B9D1: variants seen among roughly 807,000 people sequenced by gnomAD.
B9D1 encodes B9 domain containing 1, also known as B9 domain-containing protein 1.
A neutral mutation model predicts 26.1 loss-of-function variants in B9D1; 20 were observed. The ratio of observed to expected loss-of-function variants is 0.77; its 90% CI spans 0.54 to 1.12. The LOEUF (loss-of-function observed/expected upper bound fraction) is 1.12. Ranked by LOEUF, B9D1 falls within the 50% of genes most tolerant of loss-of-function variation. The probability of loss-of-function intolerance (pLI) is 0.00; values close to 1 mark genes in which losing one functional copy is unlikely to be tolerated. For synonymous variants in B9D1, 105 were observed against 103.1 expected, an observed-to-expected ratio of 1.02 and a Z score of -0.11; for missense variants, 260 against 273.7, an observed-to-expected ratio of 0.95 and a Z score of 0.35.
At position 19,370,056 on chromosome 17, in the gene B9D1, AC is replaced by A; in HGVS notation, c.-298+7802del. Among the ~76,000 whole-genome samples the A allele has an allele frequency of 6.6e-6, 1 of 152,308 alleles. No homozygotes were observed. The highest frequency in any genetic ancestry group is 2.1e-4 in the South Asian group (1 of 4,828). On this transcript the variant is annotated intron_variant, in intron 1 of 5. Transcript: ENST00000477478. This position sits in a 1 kb window ranked among gnomAD's most constrained non-coding sequence, Gnocchi z 5.1. Reference sequence around the variant, plus strand: ...GGGTGAAATGATGATCTCACAGGAAACCAGACAAGCTAGAGTTGTCACCACA... The same window carrying A: ...GGGTGAAATGATGATCTCACAGGAAACAGACAAGCTAGAGTTGTCACCACA...
At chr17:19,337,668 T>C (rs1313656632), downstream of B9D1, 4 of 1,515,482 alleles carry the variant, frequency 2.6e-6, no homozygotes, top group East Asian at 7.4e-5. Context: ...CGGAAGTTTC[T>C]CACAGAAGTC....
At chr17:19,365,702 C>T (rs1168848584), upstream of B9D1, among the ~76,000 whole-genome samples, 3 of 152,188 alleles carry the variant, frequency 2.0e-5, no homozygotes, top group African/African-American at 7.2e-5. This position sits in a 1 kb window ranked among gnomAD's most constrained non-coding sequence, Gnocchi z 5.0. Flanking sequence ...AGCTCAAAAT[C>T]AGACTGCCTG....
chr17:19,366,879 C>G (rs576848075), upstream of B9D1, among the ~76,000 whole-genome samples: 2 of 152,132 alleles, frequency 1.3e-5, no homozygotes, highest in African/African-American at 4.8e-5. Context: ...TGTATGCCTG[C>G]GGTTCTAGGT....
At chr17:19,373,614 G>T (rs1911990792) in intron 1 of B9D1, among the ~76,000 whole-genome samples, 3 of 152,082 alleles carry the variant, frequency 2.0e-5, no homozygotes, top group Admixed American at 2.0e-4. Flanking sequence ...AGTCAGGCTG[G>T]TCTCAAACCC....
chr17:19,377,835 G>C (rs911670217), intron 1 of B9D1: 1 of 985,280 alleles, frequency 1.0e-6, no homozygotes, highest in Non-Finnish European at 1.2e-6. Flanking sequence ...TCGCGGGACA[G>C]ACAAACGAGC....
At chr17:19,343,692 C>T (rs779232134) in intron 6 of B9D1, 98 bp downstream of exon 6, 5 of 1,612,014 alleles carry the variant, frequency 3.1e-6, no homozygotes, top group Non-Finnish European at 4.2e-6. Context: ...TCCTATGTGC[C>T]TGGCAGGTCC....
At chr17:19,365,234 G>A (rs1206123641), upstream of B9D1, among the ~76,000 whole-genome samples, 1 of 152,258 alleles carries the variant, frequency 6.6e-6, no homozygotes, top group Non-Finnish European at 1.5e-5. The surrounding 1 kb of genome is among the most constrained non-coding windows in gnomAD (Gnocchi z 5.0). Flanking sequence ...GAGGACAAGA[G>A]CAGCTCCCCC....
chr17:19,362,752 A>T, upstream of B9D1: 56 of 1,195,616 alleles, frequency 4.7e-5, no homozygotes, highest in Middle Eastern at 2.2e-4. Flanking sequence ...CGCCGTTATA[A>T]GGGGGCGGGG....
At position 19,357,919 on chromosome 17, in the gene B9D1, G is replaced by T; in HGVS notation, c.165C>A (p.Ser55=). The T allele has an allele frequency of 6.2e-7, 1 of 1,614,092 alleles. No homozygotes were observed. The highest frequency in any genetic ancestry group is 8.5e-7 in the Non-Finnish European group (1 of 1,179,972). ...GLEEGISQIT[S]KSQDVRQALV... is the part of the protein sequence containing the mutation. The stretch of plus-strand genomic sequence containing the variant: ...GTGCTTGCCGCACATCTTGGCTCTT[G>T]GATGTGATCTGTGAGATCCCCTCCT... Residue 55 remains serine (S), a synonymous_variant, in exon 3 of 7, where the codon TCC becomes TCA. Transcript: ENST00000261499.
At position 19,347,058 on chromosome 17, in the gene B9D1, A is replaced by G; in HGVS notation, c.404+211T>C. 2 of 1,550,164 alleles carry G rather than the reference A, an allele frequency of 1.3e-6. No homozygotes were observed. ...GACACAAAGATTTTTCACAGGGCAC[A>G]GGGTAAAATCGCCCGGCCTTCTGCT... On this transcript the variant is annotated intron_variant, in intron 5 of 6. Transcript: ENST00000261499. The surrounding 1 kb of genome is among the most constrained non-coding windows in gnomAD (Gnocchi z 4.3).
At chr17:19,362,259 G>C (rs1911189926) in intron 1 of B9D1, among the ~76,000 whole-genome samples, 1 of 152,276 alleles carries the variant, frequency 6.6e-6, no homozygotes, top group East Asian at 1.9e-4. Flanking sequence ...GGGCCCACAG[G>C]CTTGCCCGAG....
At chr17:19,361,482 A>G (rs1911057826) in intron 1 of B9D1, among the ~76,000 whole-genome samples, 1 of 152,002 alleles carries the variant, frequency 6.6e-6, no homozygotes, top group Admixed American at 6.6e-5. Flanking sequence ...GAACAGTGTG[A>G]CTGTCAGTGT....
chr17:19,358,273 C>T (rs368529209), intron 2 of B9D1, among the ~76,000 whole-genome samples: 1 of 152,148 alleles, frequency 6.6e-6, no homozygotes, highest in East Asian at 1.9e-4. Context: ...ACCTGAGTAT[C>T]CCCATCCTCA....
At chr17:19,342,629 G>A (rs550039805), downstream of B9D1, among the ~76,000 whole-genome samples, 64 of 152,290 alleles carry the variant, frequency 4.2e-4, no homozygotes, top group Middle Eastern at 3.4e-3. Context: ...CAACCTCAGA[G>A]GTCAGGGTGT....
chr17:19,337,894 C>T, downstream of B9D1: 2 of 411,948 alleles, frequency 4.9e-6, no homozygotes, highest in Non-Finnish European at 4.9e-6. Flanking sequence ...CAAGTGCAGG[C>T]TTCCTTAGTG....
At chr17:19,366,893 C>T (rs1911619015), upstream of B9D1, among the ~76,000 whole-genome samples, 1 of 152,130 alleles carries the variant, frequency 6.6e-6, no homozygotes. Flanking sequence ...TCTAGGTGGG[C>T]AGGTCCATGC....
At chr17:19,376,379 C>A (rs1912100452) in intron 1 of B9D1, among the ~76,000 whole-genome samples, 1 of 152,064 alleles carries the variant, frequency 6.6e-6, no homozygotes, top group Non-Finnish European at 1.5e-5. Flanking sequence ...TTATTATACC[C>A]CTCCAACATT....
downstream of B9D1, chr17:19,341,075 T>A: frequency 3.3e-6 from 4 of 1,203,048 alleles, no homozygotes; most frequent in Non-Finnish European, 3.1e-6. Flanking sequence ...TAAAATGATG[T>A]CAACTTTTCC....
At chr17:19,348,884 C>T (rs1201046921) in intron 3 of B9D1, among the ~76,000 whole-genome samples, 4 of 152,172 alleles carry the variant, frequency 2.6e-5, no homozygotes, top group Non-Finnish European at 5.9e-5. Context: ...TAACATTCTG[C>T]GTGGGAATCT....
Sources: allele counts gnomAD v4.1 joint callset (sites outside exome capture counted in the v4.1 genomes callset), GRCh38; gene constraint gnomAD v4.1.1; non-coding constraint Gnocchi (gnomAD v3.1); transcripts MANE v1.5; gene names NCBI Gene and HGNC (gene_info 2026-07-23, HGNC 2026-07-21).